PPP2R2B: variants seen among roughly 807,000 people sequenced by gnomAD.
PPP2R2B encodes protein phosphatase 2 regulatory subunit Bbeta.
In PPP2R2B, 5 loss-of-function variants were observed where a neutral mutation model predicts 46.0. The observed-to-expected ratio is 0.11, with a 90% CI of 0.06 to 0.23. The LOEUF (loss-of-function observed/expected upper bound fraction) is 0.23. Among genes scored for constraint, PPP2R2B ranks in the 10% least tolerant of loss-of-function variants. PPP2R2B has a pLI of 1.00. For missense variants in PPP2R2B, 367 were observed against 575.0 expected (o/e 0.64, Z 3.70); for synonymous variants, 215 against 206.7 (o/e 1.04, Z -0.34).
intron 2 of PPP2R2B, among the ~76,000 whole-genome samples, chr5:146,812,966 G>T (rs1338008643): frequency 2.0e-5 from 3 of 149,122 alleles, no homozygotes; most frequent in Non-Finnish European, 4.4e-5. Context: ...AATTATGGGA[G>T]CTACAATTCA....
At chr5:146,784,050 A>C (rs1280092035) in intron 2 of PPP2R2B, among the ~76,000 whole-genome samples, 3 of 152,180 alleles carry the variant, frequency 2.0e-5, no homozygotes, top group Non-Finnish European at 4.4e-5. Context: ...GATTGACTGG[A>C]GTACCCCAAA....
chr5:146,896,649 C>T (rs1204300487), intron 1 of PPP2R2B, among the ~76,000 whole-genome samples: 1 of 151,956 alleles, frequency 6.6e-6, no homozygotes, highest in African/African-American at 2.4e-5. Flanking sequence ...AACCCGTAGA[C>T]ATTTTGTTGT....
chr5:146,596,559 C>T (rs527713950), intron 8 of PPP2R2B, among the ~76,000 whole-genome samples: 74 of 152,330 alleles, frequency 4.9e-4, no homozygotes, highest in African/African-American at 1.6e-3. Context: ...CCTAAATCTA[C>T]TCTTCCTAGT....
At chr5:146,666,756 CA>C (rs1777003473) in intron 5 of PPP2R2B, among the ~76,000 whole-genome samples, 1 of 152,242 alleles carries the variant, frequency 6.6e-6, no homozygotes, top group Admixed American at 6.5e-5. Context: ...CTTCACTGAA[CA>C]CAATCTACCA....
intron 1 of PPP2R2B, among the ~76,000 whole-genome samples, chr5:146,942,661 C>T (rs1764356819): frequency 6.6e-6 from 1 of 152,094 alleles, no homozygotes; most frequent in Non-Finnish European, 1.5e-5. Context: ...CTGTTTCTCC[C>T]ATCTTCTTTG....
rs1759519283 is a variant in PPP2R2B, at chr5:146,839,839, G to A, written c.70+38163C>T. ...TCTAAAGGGGCAGAGAATAGAATGC[G>A]AAATGTCACCATTTCTACAATTTTA... On this transcript the variant is annotated intron_variant, in intron 2 of 9. Transcript: ENST00000394411. Among the ~76,000 whole-genome samples, 6 of 152,188 alleles carry A rather than the reference G, an allele frequency of 3.9e-5. No individual in the cohort carries two copies. In the South Asian group the frequency reaches 1.2e-3, roughly 32 times the overall value.
rs113062175 is a variant in PPP2R2B at position 146,811,789 on chromosome 5, G to A, written c.70+66213C>T. 6.1e-3 allele frequency among the ~76,000 whole-genome samples: 895 copies of A among 145,626 alleles called. 12 individuals carry two copies. Among genetic ancestry groups the A allele is most frequent in the African/African-American group, 0.022 (847 of 38,954 alleles). Reference sequence around the variant, plus strand: ...TCACCTTGTTAGCCAGGATGGTCTCGATCTCCTGACCTCGTGATCTGCCCG... The same window carrying A: ...TCACCTTGTTAGCCAGGATGGTCTCAATCTCCTGACCTCGTGATCTGCCCG... On this transcript the variant is annotated intron_variant, in intron 2 of 9. Transcript: ENST00000394411.
chr5:147,011,247 T>A (rs1754716834), intron 1 of PPP2R2B, among the ~76,000 whole-genome samples: 1 of 152,168 alleles, frequency 6.6e-6, no homozygotes, highest in Non-Finnish European at 1.5e-5. Context: ...TCTTTGCTTA[T>A]AATGTCACCT....
intron 1 of PPP2R2B, among the ~76,000 whole-genome samples, chr5:146,996,877 C>A (rs1227576785): frequency 6.6e-6 from 1 of 152,112 alleles, no homozygotes; most frequent in Non-Finnish European, 1.5e-5. Flanking sequence ...ACTCCTGGAC[C>A]TTTCCAGATC....
intron 1 of PPP2R2B, among the ~76,000 whole-genome samples, chr5:147,045,694 C>T (rs1756513308): frequency 6.6e-6 from 1 of 152,050 alleles, no homozygotes; most frequent in Non-Finnish European, 1.5e-5. Context: ...CAGTTGCTCT[C>T]TGGGTTAAGA....
intron 2 of PPP2R2B, among the ~76,000 whole-genome samples, chr5:146,817,826 C>T (rs1050388545): frequency 2.0e-5 from 3 of 152,312 alleles, no homozygotes; most frequent in African/African-American, 7.2e-5. Flanking sequence ...ATATTTCTGC[C>T]ACCCATTTCA....
intron 5 of PPP2R2B, among the ~76,000 whole-genome samples, chr5:146,669,338 G>C (rs1309470765): frequency 6.6e-6 from 1 of 152,102 alleles, no homozygotes; most frequent in Non-Finnish European, 1.5e-5. Flanking sequence ...GAGTTAATCT[G>C]CTCTTTCTTC....
intron 2 of PPP2R2B, among the ~76,000 whole-genome samples, chr5:146,865,525 G>A (rs766929837): frequency 6.6e-5 from 10 of 151,920 alleles, no homozygotes; most frequent in Admixed American, 2.6e-4. Flanking sequence ...GTTTTTTAAC[G>A]TATATATTCC....
chr5:146,934,256 C>T (rs531668545), intron 1 of PPP2R2B, among the ~76,000 whole-genome samples: 79 of 151,758 alleles, frequency 5.2e-4, no homozygotes, highest in African/African-American at 1.7e-3. Context: ...GGAATCGCCA[C>T]ACTGACTTCC....
At chr5:146,994,839 A>G (rs546793592) in intron 1 of PPP2R2B, among the ~76,000 whole-genome samples, 1 of 152,336 alleles carries the variant, frequency 6.6e-6, no homozygotes, top group African/African-American at 2.4e-5. Flanking sequence ...GGTAGTCAAG[A>G]CAGACATAGT....
chr5:146,656,100 A>G (rs977951575), intron 5 of PPP2R2B, among the ~76,000 whole-genome samples: 2 of 152,234 alleles, frequency 1.3e-5, no homozygotes, highest in Non-Finnish European at 2.9e-5. Context: ...GACCGGTGCC[A>G]CAACAGTGAA....
rs1199058964 is a variant in PPP2R2B at position 147,019,583 on chromosome 5, T to A, written c.79+36082A>T. 2.6e-5 allele frequency among the ~76,000 whole-genome samples: 4 copies of A among 151,566 alleles called. No individual in the cohort carries two copies. The East Asian group carries it at 8.1e-4, about 31-fold the overall frequency. On this transcript the variant is annotated intron_variant, in intron 1 of 8. Coordinates refer to the PPP2R2B transcript ENST00000336640. ...TGGCCAAATAGTTTTACTTTGTTTT[T>A]TGTTTTGTTTTGTTTTTTTTTAAAA...
chr5:146,686,773 C>G (rs2151145624), intron 5 of PPP2R2B, among the ~76,000 whole-genome samples: 1 of 152,196 alleles, frequency 6.6e-6, no homozygotes, highest in East Asian at 1.9e-4. Flanking sequence ...CCAGGCTTAC[C>G]CTGCAGGGAG....
chr5:146,953,427 C>T (rs1751719843), intron 1 of PPP2R2B, among the ~76,000 whole-genome samples: 1 of 152,100 alleles, frequency 6.6e-6, no homozygotes, highest in African/African-American at 2.4e-5. Context: ...ATAGAAGTCA[C>T]TGAGTTGCCA....
Sources: gnomAD v4.1 joint callset for allele counts (sites outside exome capture counted in the v4.1 genomes callset) on GRCh38, gnomAD v4.1.1 for gene constraint, MANE v1.5 for transcripts, NCBI Gene and HGNC (gene_info 2026-07-23, HGNC 2026-07-21) for gene names.